RCC1: variants seen among roughly 807,000 people sequenced by gnomAD.
The protein encoded by RCC1 is regulator of chromosome condensation 1.
RCC1 carries 11 observed loss-of-function variants against 44.4 expected under a neutral mutation model. The observed-to-expected ratio is 0.25, with a 90% CI of 0.16 to 0.41. RCC1 has a LOEUF of 0.41. Ranked by LOEUF, RCC1 falls within the 10% of genes least tolerant of loss-of-function variation. The pLI is 1.00. For missense variants in RCC1, 386 were observed against 547.1 expected (o/e 0.71, Z 2.94); for synonymous variants, 213 against 216.5 (o/e 0.98, Z 0.14).
chr1:28,538,060 G>C lies in RCC1; in HGVS notation c.*53G>C. ...CCTGCACAACCTCCCTCACAGAACA[G>C]GGAAGCAGTGACAGCTGCAGATGGC... On this transcript the variant is annotated 3_prime_UTR_variant, in exon 13 of 13. Transcript: ENST00000683442. The C allele has an allele frequency of 6.5e-7, 1 of 1,548,558 alleles. No homozygotes were observed. Among genetic ancestry groups the C allele is most frequent in the Non-Finnish European group, 8.8e-7 (1 of 1,139,734 alleles).
At chr1:28,528,037 C>T (rs1404304510) in intron 4 of RCC1, among the ~76,000 whole-genome samples, 6 of 146,386 alleles carry the variant, frequency 4.1e-5, no homozygotes, top group African/African-American at 7.7e-5. Context: ...AACATGTAAT[C>T]GGCTGTACGC....
chr1:28,509,695 A>G (rs1431431801), intron 3 of RCC1: 1 of 152,212 alleles, frequency 6.6e-6, no homozygotes, highest in Non-Finnish European at 1.5e-5. Context: ...TCTGAATGGT[A>G]CTGTTGAAGG....
chr1:28,529,060 C>T (rs1451735927), intron 4 of RCC1, among the ~76,000 whole-genome samples: 11 of 133,346 alleles, frequency 8.2e-5, no homozygotes, highest in African/African-American at 2.0e-4. Flanking sequence ...TTTTTGGTGG[C>T]GACGGGGTTT....
intron 3 of RCC1, chr1:28,510,630 TTG>T (rs1662464863): frequency 6.6e-6 from 1 of 152,244 alleles, no homozygotes; most frequent in African/African-American, 2.4e-5. Flanking sequence ...GCAATTGTAT[TTG>T]TGCTTACCTG....
rs964330572 is a variant in RCC1 at position 28,506,048 on chromosome 1, T to A, written c.-298T>A. On this transcript the variant is annotated 5_prime_UTR_variant, in exon 1 of 13. It adds an upstream start codon to the 5' untranslated region. Coordinates refer to ENST00000683442, the MANE Select transcript of RCC1 (RefSeq NM_001381865.2). ...ATGCTTCGCGTTTTCTCTCTCCTTT[T>A]TGGAGACAGATTCGCAGTGGTCGCT... The A allele has an allele frequency of 2.2e-6, 1 of 456,094 alleles. No individual in the cohort carries two copies. The highest frequency in any genetic ancestry group is 2.3e-5 in the Admixed American group (1 of 42,566). 28.3% of individuals were successfully genotyped at this position (456,094 alleles called of 1,614,324 possible).
chr1:28,515,489 G>T (rs1383988736), intron 3 of RCC1, among the ~76,000 whole-genome samples: 2 of 151,390 alleles, frequency 1.3e-5, no homozygotes, highest in East Asian at 3.9e-4. Flanking sequence ...GGCCGAGATG[G>T]GTGGATCACT....
intron 3 of RCC1, among the ~76,000 whole-genome samples, chr1:28,512,885 C>T (rs961405199): frequency 2.6e-5 from 4 of 152,048 alleles, no homozygotes; most frequent in African/African-American, 4.8e-5. Context: ...AGCTCCGCCT[C>T]CTGGGTTCAC....
chr1:28,530,771 G>A (rs1019565865), intron 5 of RCC1, among the ~76,000 whole-genome samples: 4 of 152,032 alleles, frequency 2.6e-5, no homozygotes, highest in African/African-American at 4.8e-5. Context: ...CGCACCTCCC[G>A]CAAATGCCGC....
chr1:28,523,898 C>T (rs1365560598), intron 4 of RCC1, among the ~76,000 whole-genome samples: 1 of 152,220 alleles, frequency 6.6e-6, no homozygotes, highest in East Asian at 1.9e-4. Flanking sequence ...CTTACCACAA[C>T]CTCCACTTCC....
intron 3 of RCC1, chr1:28,509,508 G>GGATTACAGCTGTGAGCCAC (rs1553211067): frequency 6.5e-6 from 1 of 152,804 alleles, no homozygotes; most frequent in Non-Finnish European, 1.5e-5. Context: ...TAAAGTGCTG[G>GGATTACAGCTGTGAGCCAC]GATTACAGCT....
chr1:28,514,486 G>T (rs1662765184), intron 3 of RCC1, among the ~76,000 whole-genome samples: 1 of 149,586 alleles, frequency 6.7e-6, no homozygotes, highest in South Asian at 2.1e-4. Flanking sequence ...TGGCGGCCTG[G>T]TGTGGTGGCT....
intron 3 of RCC1, among the ~76,000 whole-genome samples, chr1:28,512,148 G>GT (rs928505531): frequency 1.9e-3 from 261 of 138,634 alleles, no homozygotes; most frequent in African/African-American, 4.1e-3. Context: ...TAATTTTTGT[G>GT]TTTTTTTTTT....
Position 28,520,115 on chromosome 1 carries a change from C to G in RCC1, c.-10+3248C>G, listed in dbSNP as rs72885753. Among the ~76,000 whole-genome samples, 1,198 of 152,314 alleles carry G rather than the reference C, an allele frequency of 7.9e-3. 18 individuals carry two copies. The highest frequency in any genetic ancestry group is 0.027 in the African/African-American group (1,103 of 41,568). On this transcript the variant is annotated intron_variant, in intron 4 of 12. Coordinates refer to ENST00000683442, the MANE Select transcript of RCC1 (RefSeq NM_001381865.2). ...TAGAACGGGGATCCCAGGTGAGAAA[C>G]TCCTAGTGTGAAATATACCACCTGT...
chr1:28,530,606 A>G, intron 5 of RCC1: 1 of 1,603,798 alleles, frequency 6.2e-7, no homozygotes, highest in East Asian at 2.2e-5. Context: ...TGACCAGAAA[A>G]CCCGACCAGG....
intron 5 of RCC1, among the ~76,000 whole-genome samples, chr1:28,531,269 T>TTC (rs1664153590): frequency 6.8e-6 from 1 of 147,356 alleles, no homozygotes; most frequent in South Asian, 2.1e-4. Flanking sequence ...CTTTTTCTTT[T>TTC]TTTTTTTTTT....
At chr1:28,531,721 G>A in intron 5 of RCC1, 82 bp from the exon 6 acceptor site, 3 of 1,246,228 alleles carry the variant, frequency 2.4e-6, no homozygotes, top group Non-Finnish European at 2.2e-6. Flanking sequence ...CTTCTGCACA[G>A]GTTTGTCTGA....
chr1:28,513,579 T>C (rs1232948325), intron 3 of RCC1, among the ~76,000 whole-genome samples: 1 of 151,958 alleles, frequency 6.6e-6, no homozygotes, highest in Non-Finnish European at 1.5e-5. Flanking sequence ...GTGTTTAGGC[T>C]ATTTACTTTT....
rs772117135 is a variant in RCC1, at chr1:28,536,870, C to T, written c.1061C>T (p.Ala354Val). 1.7e-5 allele frequency: 28 copies of T among 1,614,054 alleles called. No homozygotes were observed. The highest frequency in any genetic ancestry group is 2.2e-5 in the Non-Finnish European group (26 of 1,180,006). Residue 354 changes from alanine (A) to valine (V), a missense_variant, in exon 12 of 13, where the codon GCC becomes GTC. Physicochemically the swap from Ala to Val is moderately conservative, Grantham distance 64. Coordinates refer to ENST00000683442, the MANE Select transcript of RCC1 (RefSeq NM_001381865.2). This position sits in a 1 kb window ranked among gnomAD's most constrained non-coding sequence, Gnocchi z 4.9. Reference protein sequence around the residue: ...LPAVSSVACGASVGYAVTKDG... With the variant: ...LPAVSSVACGVSVGYAVTKDG... ...GCTGTCTCCTCGGTGGCTTGTGGGG[C>T]CTCTGTGGGGTATGCTGTGACCAAG...
In RCC1 at chr1:28,535,927, G is replaced by C. The variant is rs376618975; in HGVS notation, c.718G>C (p.Val240Leu). The change falls in exon 10 of 13, where the codon GTG becomes CTG. Residue 240 changes from valine to leucine, a missense_variant. Transcript: ENST00000683442. ...MLKSRGSRGH[V>L]RFQDAFCGAY... Reference sequence around the variant, plus strand: ...GAAATCCAGGGGAAGCCGGGGCCACGTGAGATTCCAGGATGCCTTTTGTGG... The same window carrying C: ...GAAATCCAGGGGAAGCCGGGGCCACCTGAGATTCCAGGATGCCTTTTGTGG... The C allele has an allele frequency of 3.1e-6, 5 of 1,614,012 alleles. No homozygotes were observed. The highest frequency in any genetic ancestry group is 4.2e-6 in the Non-Finnish European group (5 of 1,180,028).
Sources: gnomAD v4.1 joint callset for allele counts (sites outside exome capture counted in the v4.1 genomes callset) on GRCh38, gnomAD v4.1.1 for gene constraint, Gnocchi (gnomAD v3.1) non-coding constraint, MANE v1.5 for transcripts, NCBI Gene and HGNC (gene_info 2026-07-23, HGNC 2026-07-21) for gene names.